The following ITGAM variants were observed in gnomAD, a reference collection of about 807,000 sequenced individuals.
ITGAM encodes integrin subunit alpha M.
A neutral mutation model predicts 137.5 loss-of-function variants in ITGAM; 79 were observed. The observed-to-expected ratio is 0.57, with a 90% CI of 0.48 to 0.69. The LOEUF (loss-of-function observed/expected upper bound fraction) is 0.69, where lower values mean the gene tolerates loss of function less well. Among genes scored for constraint, ITGAM ranks in the 30% least tolerant of loss-of-function variants. The pLI, the probability that ITGAM is intolerant of heterozygous loss-of-function variation, is 0.00. For synonymous variants in ITGAM, 583 were observed against 592.3 expected (o/e 0.98, Z 0.23); for missense variants, 1,343 against 1,483.5 (o/e 0.91, Z 1.56).
At chr16:31,316,459 T>A (rs2080393568) in intron 14 of ITGAM, among the ~76,000 whole-genome samples, 1 of 152,134 alleles carries the variant, frequency 6.6e-6, no homozygotes. Flanking sequence ...CTGTATTCTG[T>A]TCCATTGGTC....
chr16:31,285,623 C>G (rs756180601), intron 12 of ITGAM, among the ~76,000 whole-genome samples: 1 of 151,664 alleles, frequency 6.6e-6, no homozygotes, highest in Admixed American at 6.6e-5. Context: ...GATGACAGGG[C>G]GAGACTTCAT....
intron 1 of ITGAM, 22 bp downstream of exon 1, chr16:31,260,114 G>A (rs2079682560): frequency 1.3e-5 from 6 of 462,510 alleles, no homozygotes; most frequent in Non-Finnish European, 2.2e-5. Context: ...TGGGGTGGGG[G>A]ACTCTGGGTG....
rs1227000624 is a variant in ITGAM at position 31,277,018 on chromosome 16, A to C, written c.1182A>C (p.Arg394Ser). The change falls in exon 11 of 30, where the codon AGA (arginine) becomes AGC (serine). Residue 394 changes from arginine to serine, a missense_variant. Transcript: ENST00000544665. ...KEKSTFINMT[R>S]VDSDMNDAYL... ...AAAGCACCTTCATCAACATGACCAG[A>C]GTGGATTCAGACATGAATGATGCTT... 2 of 1,612,878 alleles carry C rather than the reference A, an allele frequency of 1.2e-6. No homozygotes were observed. Among genetic ancestry groups the C allele is most frequent in the Admixed American group, 1.7e-5 (1 of 59,800 alleles).
At chr16:31,268,192 G>A (rs1030183375) in intron 5 of ITGAM, among the ~76,000 whole-genome samples, 2 of 151,904 alleles carry the variant, frequency 1.3e-5, no homozygotes, top group African/African-American at 4.8e-5. Flanking sequence ...CTCCACCTAG[G>A]GGCACTGGGT....
intron 14 of ITGAM, among the ~76,000 whole-genome samples, chr16:31,314,043 G>A (rs1768368448): frequency 6.6e-6 from 1 of 151,602 alleles, no homozygotes; most frequent in Non-Finnish European, 1.5e-5. Flanking sequence ...AGAAGTATCT[G>A]TTCATATCCT....
chr16:31,262,087 C>T (rs967203284), intron 2 of ITGAM, among the ~76,000 whole-genome samples: 14 of 152,098 alleles, frequency 9.2e-5, no homozygotes, highest in African/African-American at 3.1e-4. Context: ...AACACATACA[C>T]GTTCCCTCCC....
intron 12 of ITGAM, among the ~76,000 whole-genome samples, chr16:31,284,143 G>T (rs888033462): frequency 3.9e-5 from 6 of 152,194 alleles, no homozygotes; most frequent in Non-Finnish European, 5.9e-5. Flanking sequence ...CTCCTACTGG[G>T]AGGTGCCCCC....
rs1243739180 is a variant in ITGAM at position 31,331,884 on chromosome 16, A to AGTGT, written c.*181_*184dup. 1.8e-6 allele frequency: 1 copy of AGTGT among 557,174 alleles called. No individual in the cohort carries two copies. The highest frequency in any genetic ancestry group is 3.2e-6 in the Non-Finnish European group (1 of 316,684). The allele number at this position is 557,174 out of a possible 1,614,324, so 34.5% of individuals were successfully genotyped here. A position where few individuals can be genotyped will look rare whatever the true frequency, so the allele number is the denominator to read the frequency against. On this transcript the variant is annotated 3_prime_UTR_variant, in exon 30 of 30. Transcript: ENST00000544665. ...GCGTGTGTGCAAGTGTCTGTGTGCAAGTGTGTGCACATGTGTGCGTGTGCG... is the reference window on the plus strand; with the variant it reads ...GCGTGTGTGCAAGTGTCTGTGTGCAAGTGTGTGTGTGCACATGTGTGCGTGTGCG...
chr16:31,331,956 AGTGTGTCCAAGTGTGTGTGC>A lies in ITGAM; in HGVS notation c.*259_*278del, dbSNP rs2080592887. The A allele has an allele frequency of 3.8e-6, 2 of 532,910 alleles. No individual in the cohort carries two copies. The highest frequency in any genetic ancestry group is 7.3e-5 in the Admixed American group (2 of 27,318). The allele number at this position is 532,910 out of a possible 1,614,324, so 33.0% of individuals were successfully genotyped here. A position where few individuals can be genotyped will look rare whatever the true frequency, so the allele number is the denominator to read the frequency against. On this transcript the variant is annotated 3_prime_UTR_variant, in exon 30 of 30. Coordinates refer to ENST00000544665, the MANE Select transcript of ITGAM (RefSeq NM_000632.4). ...ATGTGTGAGTGTGTGCAAGTATGTG[AGTGTGTCCAAGTGTGTGTGC>A]GTGTGTCCATGTGTGTGCAAGTGTG...
chr16:31,315,428 C>A (rs2080380641), intron 14 of ITGAM, among the ~76,000 whole-genome samples: 1 of 150,676 alleles, frequency 6.6e-6, no homozygotes, highest in African/African-American at 2.5e-5. Flanking sequence ...TACATTTAAG[C>A]CTTTAACTCA....
chr16:31,266,992 C>G (rs1333023983), intron 5 of ITGAM, among the ~76,000 whole-genome samples: 1 of 152,032 alleles, frequency 6.6e-6, no homozygotes, highest in African/African-American at 2.4e-5. Flanking sequence ...CCCATCTTCC[C>G]AAGTAGCTGG....
chr16:31,269,947 C>T lies in ITGAM; in HGVS notation c.428-1007C>T, dbSNP rs193254176. On this transcript the variant is annotated intron_variant, in intron 5 of 29. Coordinates refer to ENST00000544665, the MANE Select transcript of ITGAM (RefSeq NM_000632.4). The stretch of plus-strand genomic sequence containing the variant: ...GGCAACAGAGTCCTGGTGATGGGGT[C>T]CCTGCAGGTTGACCTCCCAGGCCAC... Among the ~76,000 whole-genome samples the T allele has an allele frequency of 1.1e-4, 17 of 152,302 alleles. No homozygotes were observed. In the East Asian group the frequency reaches 3.1e-3, roughly 28 times the overall value.
At chr16:31,276,614 G>T in intron 9 of ITGAM, 57 bp from the exon 10 acceptor site, 1 of 1,298,380 alleles carries the variant, frequency 7.7e-7, no homozygotes, top group Non-Finnish European at 1.1e-6. Context: ...TTACAGGCGT[G>T]AGCCACCATG....
intron 14 of ITGAM, among the ~76,000 whole-genome samples, chr16:31,302,454 C>CTTTCTTTCTTTCTTT (rs1567268010): frequency 2.8e-4 from 26 of 91,998 alleles, no homozygotes; most frequent in African/African-American, 9.1e-4. Context: ...TTTCTTTCTT[C>CTTTCTTTCTTTCTTT]CTTCCTTTCT....
chr16:31,287,839 A>C (rs899610793), intron 12 of ITGAM, among the ~76,000 whole-genome samples: 3 of 151,820 alleles, frequency 2.0e-5, no homozygotes, highest in Admixed American at 2.0e-4. Flanking sequence ...TGGGGAAAAA[A>C]GTGTAGAGGA....
At position 31,272,422 on chromosome 16, in the gene ITGAM, ACTATATATATATATATAT is replaced by A. The variant is rs1177627498; in HGVS notation, c.704+431_704+448del. Among the ~76,000 whole-genome samples, 272 of 48,948 alleles carry A rather than the reference ACTATATATATATATATAT, an allele frequency of 5.6e-3. 13 individuals are homozygous for A. Among genetic ancestry groups the A allele is most frequent in the African/African-American group, 0.018 (243 of 13,642 alleles). 32.1% of individuals were successfully genotyped at this position (48,948 alleles called of 152,430 possible). On this transcript the variant is annotated intron_variant, in intron 7 of 29. Coordinates refer to ENST00000544665, the MANE Select transcript of ITGAM (RefSeq NM_000632.4). Reference sequence around the variant, plus strand: ...GGAGAGGTTTCCTGAAGGCCAATTAACTATATATATATATATATATATATATATATATATATATATATT... The same window carrying A: ...GGAGAGGTTTCCTGAAGGCCAATTAAATATATATATATATATATATATATT...
At chr16:31,279,062 T>G (rs552382143) in intron 12 of ITGAM, among the ~76,000 whole-genome samples, 1 of 152,218 alleles carries the variant, frequency 6.6e-6, no homozygotes, top group Non-Finnish European at 1.5e-5. Context: ...ACAAAGGACA[T>G]GAACTCATCC....
chr16:31,278,235 G>A, intron 12 of ITGAM, 126 bp downstream of exon 12: 2 of 972,422 alleles, frequency 2.1e-6, no homozygotes, highest in East Asian at 2.7e-5. Flanking sequence ...GCTGTGAGCT[G>A]GGGAGTTGTG....
intron 23 of ITGAM, 90 bp from the exon 24 acceptor site, chr16:31,329,138 C>T: frequency 1.8e-6 from 1 of 556,506 alleles, no homozygotes; most frequent in Admixed American, 2.3e-5. Flanking sequence ...TACCCATGTG[C>T]CTGTTCGCTC....
Sources: gnomAD v4.1 joint callset for allele counts (sites outside exome capture counted in the v4.1 genomes callset) on GRCh38, gnomAD v4.1.1 for gene constraint, MANE v1.5 for transcripts, NCBI Gene and HGNC (gene_info 2026-07-23, HGNC 2026-07-21) for gene names.